RPS6KC1: variants seen among roughly 807,000 people sequenced by gnomAD.
RPS6KC1 encodes inactive ribosomal protein S6 kinase delta-1.
A neutral mutation model predicts 103.8 loss-of-function variants in RPS6KC1; 54 were observed. That is an observed-to-expected ratio of 0.52 (90% confidence interval 0.42 to 0.65). The LOEUF (loss-of-function observed/expected upper bound fraction) is 0.65. Ranked by LOEUF, RPS6KC1 falls within the 30% of genes least tolerant of loss-of-function variation. RPS6KC1 has a pLI of 0.00. For synonymous variants in RPS6KC1, 439 were observed against 438.7 expected, an observed-to-expected ratio of 1.00 and a Z score of -0.01; for missense variants, 1,151 against 1,253.8, an observed-to-expected ratio of 0.92 and a Z score of 1.24.
the RPS6KC1 span, among the ~76,000 whole-genome samples, chr1:213,495,309 C>T: frequency 4.6e-5 from 7 of 152,008 alleles, no homozygotes; most frequent in Non-Finnish European, 1.0e-4. Flanking sequence ...TTCTAATATG[C>T]ACCCCCACCC....
At chr1:213,556,948 C>G in the RPS6KC1 span, among the ~76,000 whole-genome samples, 1 of 152,178 alleles carries the variant, frequency 6.6e-6, no homozygotes, top group Non-Finnish European at 1.5e-5. Context: ...GTTATTCCCT[C>G]TCTCAGAATT....
At chr1:213,658,651 A>G in the RPS6KC1 span, among the ~76,000 whole-genome samples, 827 of 152,362 alleles carry the variant, frequency 5.4e-3, 18 homozygotes, top group Non-Finnish European at 6.7e-3. Flanking sequence ...CTTTGGCACC[A>G]GGTTCTGGAG....
the RPS6KC1 span, among the ~76,000 whole-genome samples, chr1:213,365,576 T>C: frequency 2.0e-5 from 3 of 152,236 alleles, no homozygotes; most frequent in African/African-American, 7.2e-5. Flanking sequence ...AGACAGAAGA[T>C]AAAAACTTTT....
chr1:213,441,777 A>G, the RPS6KC1 span, among the ~76,000 whole-genome samples: 3 of 152,232 alleles, frequency 2.0e-5, no homozygotes, highest in East Asian at 3.8e-4. Flanking sequence ...GTTCTATTGG[A>G]TAGTGTGGTG....
intron 14 of RPS6KC1, among the ~76,000 whole-genome samples, chr1:213,268,824 G>A (rs890216837): frequency 1.3e-5 from 2 of 151,326 alleles, no homozygotes; most frequent in African/African-American, 4.9e-5. Flanking sequence ...GCATATTGTA[G>A]GGATACAGCA....
At chr1:213,352,967 C>T in the RPS6KC1 span, among the ~76,000 whole-genome samples, 57 of 152,290 alleles carry the variant, frequency 3.7e-4, no homozygotes, top group African/African-American at 1.3e-3. Context: ...CTTCAAGACC[C>T]CAGGTGAATG....
chr1:213,228,744 C>T (rs1283370786), intron 8 of RPS6KC1, among the ~76,000 whole-genome samples: 1 of 151,746 alleles, frequency 6.6e-6, no homozygotes, highest in Admixed American at 6.6e-5. Context: ...TAAGATAAAA[C>T]AAAATAAAAT....
the RPS6KC1 span, among the ~76,000 whole-genome samples, chr1:213,729,443 C>T: frequency 6.6e-6 from 1 of 152,294 alleles, no homozygotes; most frequent in East Asian, 1.9e-4. Context: ...ACCTGCGCTT[C>T]CAAATGCAGC....
At chr1:213,718,642 C>A in the RPS6KC1 span, among the ~76,000 whole-genome samples, 1,332 of 152,340 alleles carry the variant, frequency 8.7e-3, 29 homozygotes, top group East Asian at 0.076. Context: ...GCCCAAGGAA[C>A]ATTGTTCCTT....
At chr1:213,117,264 GTGT>G in intron 4 of RPS6KC1, 50 bp from the exon 5 acceptor site, 2 of 953,208 alleles carry the variant, frequency 2.1e-6, no homozygotes, top group South Asian at 2.8e-5. Context: ...TTTTTATTTA[GTGT>G]TGTTTATGCT....
the RPS6KC1 span, among the ~76,000 whole-genome samples, chr1:213,294,237 G>T: frequency 6.6e-6 from 1 of 152,294 alleles, no homozygotes; most frequent in East Asian, 1.9e-4. Flanking sequence ...AGGAAGAATT[G>T]ATCTTGTAGT....
chr1:213,635,321 A>G, the RPS6KC1 span, among the ~76,000 whole-genome samples: 1 of 152,246 alleles, frequency 6.6e-6, no homozygotes, highest in East Asian at 1.9e-4. Context: ...CACAACAAAA[A>G]AAGAGAATTT....
At chr1:213,349,787 G>T in the RPS6KC1 span, among the ~76,000 whole-genome samples, 1 of 152,182 alleles carries the variant, frequency 6.6e-6, no homozygotes. Flanking sequence ...AAGTTGATTA[G>T]GATGTGCTGT....
chr1:213,394,343 G>A, the RPS6KC1 span, among the ~76,000 whole-genome samples: 7 of 152,038 alleles, frequency 4.6e-5, no homozygotes, highest in South Asian at 6.2e-4. Flanking sequence ...GTTTGAAATC[G>A]GCCATGGCGA....
chr1:213,655,597 G>A, the RPS6KC1 span, among the ~76,000 whole-genome samples: 3 of 152,194 alleles, frequency 2.0e-5, no homozygotes, highest in Admixed American at 6.5e-5. Context: ...TACTGGCAGA[G>A]AGAAATTCAA....
the RPS6KC1 span, chr1:213,819,987 A>T: frequency 6.6e-6 from 1 of 152,200 alleles, no homozygotes; most frequent in South Asian, 2.1e-4. Flanking sequence ...TTGTTCTCTA[A>T]CTAGCAGACC....
the RPS6KC1 span, among the ~76,000 whole-genome samples, chr1:213,527,991 C>T: frequency 1.3e-5 from 2 of 151,984 alleles, no homozygotes; most frequent in Admixed American, 1.3e-4. Flanking sequence ...GGCCTTCATC[C>T]TGTTGTCATC....
chr1:213,261,457 G>A, intron 12 of RPS6KC1, 101 bp from the exon 13 acceptor site: 1 of 1,011,892 alleles, frequency 9.9e-7, no homozygotes, highest in South Asian at 1.4e-5. Flanking sequence ...TTTAGTATAT[G>A]CTCTCTCAGC....
At chr1:213,399,109 G>C in the RPS6KC1 span, among the ~76,000 whole-genome samples, 139 of 152,308 alleles carry the variant, frequency 9.1e-4, 3 homozygotes, top group African/African-American at 3.2e-3. Context: ...CAAGGGAAAG[G>C]CTTCACTTAA....
Sources: gnomAD v4.1 joint callset for allele counts (sites outside exome capture counted in the v4.1 genomes callset) on GRCh38, gnomAD v4.1.1 for gene constraint, MANE v1.5 for transcripts, NCBI Gene and HGNC (gene_info 2026-07-23, HGNC 2026-07-21) for gene names.